LDB3: variants seen among roughly 807,000 people sequenced by gnomAD.
The protein encoded by LDB3 is LIM domain binding 3, also known as LIM domain-binding protein 3.
LDB3 carries 49 observed loss-of-function variants against 69.0 expected under a neutral mutation model. The ratio of observed to expected loss-of-function variants is 0.71; its 90% confidence interval spans 0.56 to 0.90. LDB3 has a LOEUF of 0.90. LDB3 is among the 40% of genes least tolerant of loss of function. LDB3 has a pLI of 0.00. For synonymous variants in LDB3, 387 were observed against 396.2 expected (o/e 0.98, Z 0.28); for missense variants, 928 against 974.1 (o/e 0.95, Z 0.63).
intron 2 of LDB3, among the ~76,000 whole-genome samples, chr10:86,673,785 C>T (rs74827130): frequency 0.015 from 2,126 of 143,620 alleles, 51 homozygotes; most frequent in African/African-American, 0.052. Context: ...AGCCTCCACC[C>T]ACCACATCTA....
intron 7 of LDB3, among the ~76,000 whole-genome samples, chr10:86,704,032 T>C (rs985021437): frequency 6.6e-6 from 1 of 151,634 alleles, no homozygotes; most frequent in African/African-American, 2.4e-5. Flanking sequence ...GAGAATTGTA[T>C]GAACCTGGGA....
chr10:86,712,071 A>G (rs940602784), intron 9 of LDB3, among the ~76,000 whole-genome samples: 1 of 152,076 alleles, frequency 6.6e-6, no homozygotes, highest in Non-Finnish European at 1.5e-5. Flanking sequence ...AGCCAGGCTG[A>G]AGGATGCAGA....
rs1564638023 is a variant in LDB3 at position 86,685,533 on chromosome 10, C to T, written c.689+3730C>T. 3.7e-6 allele frequency: 3 copies of T among 809,022 alleles called. No individual in the cohort carries two copies. In the South Asian group the frequency reaches 4.0e-5, roughly 11 times the overall value. 50.1% of individuals were successfully genotyped at this position (809,022 alleles called of 1,614,324 possible). On this transcript the variant is annotated intron_variant, in intron 5 of 13. Coordinates refer to ENST00000361373, the MANE Select transcript of LDB3 (RefSeq NM_007078.3). ...GATTCCCGGCTCTGAGTTCTCCCTC[C>T]TCACTCCTTGCTCTCCTCACCCATT...
chr10:86,681,611 C>G lies in LDB3; in HGVS notation c.497C>G (p.Ala166Gly), dbSNP rs1845136839. 1.2e-6 allele frequency: 2 copies of G among 1,612,956 alleles called. No homozygotes were observed. The highest frequency in any genetic ancestry group is 1.3e-5 in the African/African-American group (1 of 74,950). Residue 166 changes from alanine to glycine, a missense_variant, in exon 5 of 14, where the codon GCC becomes GGC. Physicochemically the swap from Ala to Gly is moderately conservative, Grantham distance 60. Coordinates refer to ENST00000361373, the MANE Select transcript of LDB3 (RefSeq NM_007078.3). ...GCCTCTGACCCTGGCCCTCCGCGGG[C>G]CAGCCTGAGGGCCAAGACCAGCCCA... is the stretch of plus-strand genomic sequence containing the variant. Reference protein sequence around the residue: ...AEASDPGPPRASLRAKTSPEG... With the variant: ...AEASDPGPPRGSLRAKTSPEG...
At chr10:86,705,454 G>A (rs778296707) in intron 7 of LDB3, among the ~76,000 whole-genome samples, 2 of 152,218 alleles carry the variant, frequency 1.3e-5, no homozygotes, top group Admixed American at 6.5e-5. Context: ...AGTAAAGAAT[G>A]TGCATTTCTT....
intron 5 of LDB3, among the ~76,000 whole-genome samples, chr10:86,684,786 C>A (rs970871553): frequency 6.6e-6 from 1 of 152,232 alleles, no homozygotes; most frequent in African/African-American, 2.4e-5. Flanking sequence ...CAGAGCCCCC[C>A]ACCTTCCACA....
At chr10:86,729,116 T>C (rs1045576812) in intron 13 of LDB3, among the ~76,000 whole-genome samples, 5 of 152,316 alleles carry the variant, frequency 3.3e-5, no homozygotes, top group Middle Eastern at 3.4e-3. Flanking sequence ...TTCTTTAGAC[T>C]AACTCAGTTT....
chr10:86,683,155 C>CCTCA (rs904773728), intron 5 of LDB3, among the ~76,000 whole-genome samples: 95 of 152,294 alleles, frequency 6.2e-4, no homozygotes, highest in African/African-American at 2.2e-3. Flanking sequence ...CAGGAACTGG[C>CCTCA]CTCAGGCAGA....
intron 13 of LDB3, among the ~76,000 whole-genome samples, chr10:86,726,789 C>A (rs1441979961): frequency 6.6e-6 from 1 of 152,108 alleles, no homozygotes; most frequent in Non-Finnish European, 1.5e-5. Context: ...ATATAGCTGC[C>A]AGGAGATAAG....
In LDB3 at chr10:86,692,193, G is replaced by T. The variant is rs924957574; in HGVS notation, c.859+128G>T. 8 of 1,120,268 alleles carry T rather than the reference G, an allele frequency of 7.1e-6. No individual in the cohort carries two copies. The African/African-American group carries it at 1.2e-4, about 17-fold the overall frequency. 69.4% of individuals were successfully genotyped at this position (1,120,268 alleles called of 1,614,324 possible). ...CCTTGAAGGTGGGCCAGGCTTGATGGTTTGTCAGTGGCTGGCAGGGCTCCT... is the reference window on the plus strand; with the variant it reads ...CCTTGAAGGTGGGCCAGGCTTGATGTTTTGTCAGTGGCTGGCAGGGCTCCT... On this transcript the variant is annotated intron_variant, in intron 6 of 13. Transcript: ENST00000361373.
At chr10:86,707,910 C>G (rs974772572) in intron 8 of LDB3, among the ~76,000 whole-genome samples, 2 of 152,244 alleles carry the variant, frequency 1.3e-5, no homozygotes, top group African/African-American at 4.8e-5. Context: ...ACCAGAATCT[C>G]TTCATATAAA....
chr10:86,681,655 C>T lies in LDB3; in HGVS notation c.541C>T (p.Leu181Phe), dbSNP rs1589623326. ...KTSPEGARDL[L>F]GPKALPGSSQ... ...CAGCCCAGAGGGGGCCCGGGACCTA[C>T]TCGGCCCAAAAGCCCTGCCGGGCTC... is the stretch of plus-strand genomic sequence containing the variant. The change falls in exon 5 of 14, where the codon CTC (leucine) becomes TTC (phenylalanine). Residue 181 changes from leucine to phenylalanine, a missense_variant. Coordinates refer to ENST00000361373, the MANE Select transcript of LDB3 (RefSeq NM_007078.3). 1.2e-6 allele frequency: 2 copies of T among 1,613,290 alleles called. No homozygotes were observed. The highest frequency in any genetic ancestry group is 1.7e-6 in the Non-Finnish European group (2 of 1,179,862).
chr10:86,712,272 TG>T (rs1564655140), intron 9 of LDB3, among the ~76,000 whole-genome samples: 1 of 151,886 alleles, frequency 6.6e-6, no homozygotes, highest in African/African-American at 2.4e-5. Flanking sequence ...CTCTGTGTTG[TG>T]GGGGCTGGAA....
chr10:86,704,599 A>G (rs1187511573), intron 7 of LDB3, among the ~76,000 whole-genome samples: 3 of 86,072 alleles, frequency 3.5e-5, no homozygotes, highest in African/African-American at 1.2e-4. Context: ...TTTTTTTTTG[A>G]GACGGAGTCT....
In LDB3 at chr10:86,711,281, CG is replaced by C. The variant is rs1846648809; in HGVS notation, c.1231+1236del. The stretch of plus-strand genomic sequence containing the variant: ...AGCCCGCCAGGCGGCGTCAGGGCTC[CG>C]GGGGCGCGCGGCCAGCCCGCCCTGC... On this transcript the variant is annotated intron_variant, in intron 9 of 13. Transcript: ENST00000361373. Among the ~76,000 whole-genome samples, 4 of 152,204 alleles carry C rather than the reference CG, an allele frequency of 2.6e-5. No homozygotes were observed. In the South Asian group the frequency reaches 8.3e-4, roughly 32 times the overall value.
intron 9 of LDB3, among the ~76,000 whole-genome samples, 158 bp from the exon 10 acceptor site, chr10:86,716,169 G>A (rs918259527): frequency 1.3e-5 from 2 of 152,162 alleles, no homozygotes; most frequent in African/African-American, 4.8e-5. Flanking sequence ...TCAAATCTGG[G>A]CCATCAAGAA....
chr10:86,730,623 G>C (rs1397240472), intron 13 of LDB3, among the ~76,000 whole-genome samples: 1 of 152,200 alleles, frequency 6.6e-6, no homozygotes, highest in Admixed American at 6.5e-5. Context: ...CAACTTACTA[G>C]GTCTGTGACT....
chr10:86,682,327 T>A (rs1035869436), intron 5 of LDB3, among the ~76,000 whole-genome samples: 4 of 152,064 alleles, frequency 2.6e-5, no homozygotes, highest in African/African-American at 7.2e-5. Context: ...GGAGAGACTC[T>A]TTGGCAGTGG....
chr10:86,685,485 A>C (rs1480139338), intron 5 of LDB3, among the ~76,000 whole-genome samples: 1 of 152,168 alleles, frequency 6.6e-6, no homozygotes, highest in Admixed American at 6.5e-5. Context: ...TCTCTGAACC[A>C]AACCGAGGGT....
Sources: allele counts gnomAD v4.1 joint callset (sites outside exome capture counted in the v4.1 genomes callset), GRCh38; gene constraint gnomAD v4.1.1; transcripts MANE v1.5; gene names NCBI Gene and HGNC (gene_info 2026-07-23, HGNC 2026-07-21).